The following NPAS3 variants were observed in gnomAD, a reference collection of about 807,000 sequenced individuals.
NPAS3 encodes the protein neuronal PAS domain protein 3.
Under a neutral mutation model 73.1 loss-of-function variants are expected in NPAS3, and 14 were observed. That is an observed-to-expected ratio of 0.19 (90% CI 0.13 to 0.30). NPAS3 has a LOEUF of 0.30. NPAS3 is among the 10% of genes least tolerant of loss of function. The pLI is 1.00. For missense variants in NPAS3, 1,096 were observed against 1,250.0 expected, an observed-to-expected ratio of 0.88 and a Z score of 1.86; for synonymous variants, 620 against 541.5, an observed-to-expected ratio of 1.14 and a Z score of -2.01.
chr14:33,707,121 C>A (rs2060677535), intron 6 of NPAS3, among the ~76,000 whole-genome samples: 1 of 152,196 alleles, frequency 6.6e-6, no homozygotes. Flanking sequence ...GTACTCACAT[C>A]AGTCTCCTAC....
intron 3 of NPAS3, among the ~76,000 whole-genome samples, chr14:33,271,616 TAG>T (rs1463847046): frequency 1.3e-5 from 2 of 152,130 alleles, no homozygotes; most frequent in Non-Finnish European, 2.9e-5. Context: ...GCTAATAATG[TAG>T]AGATTTGGAG....
At chr14:33,375,270 G>A (rs2046264598) in intron 4 of NPAS3, among the ~76,000 whole-genome samples, 1 of 152,170 alleles carries the variant, frequency 6.6e-6, no homozygotes. Context: ...GAAAGTTAGT[G>A]AATATATTTG....
intron 5 of NPAS3, among the ~76,000 whole-genome samples, chr14:33,593,021 T>C (rs905866300): frequency 3.9e-5 from 6 of 152,128 alleles, no homozygotes; most frequent in Non-Finnish European, 8.8e-5. Flanking sequence ...GTAAAGCTTG[T>C]GTGACTTCCT....
At chr14:33,510,927 G>A (rs985136549) in intron 4 of NPAS3, among the ~76,000 whole-genome samples, 7 of 152,022 alleles carry the variant, frequency 4.6e-5, no homozygotes, top group African/African-American at 1.4e-4. Context: ...TGGTCACTTA[G>A]GCATAGGTAG....
chr14:33,597,285 C>T (rs75980398), intron 5 of NPAS3, among the ~76,000 whole-genome samples: 2,788 of 152,258 alleles, frequency 0.018, 92 homozygotes, highest in African/African-American at 0.064. Context: ...CATATTCAGT[C>T]GTAACTGGGA....
chr14:33,216,599 G>T (rs2047232662), intron 3 of NPAS3, among the ~76,000 whole-genome samples: 2 of 152,154 alleles, frequency 1.3e-5, no homozygotes, highest in Non-Finnish European at 2.9e-5. Flanking sequence ...TCTGTAAAGG[G>T]CCATGTAGTA....
intron 4 of NPAS3, among the ~76,000 whole-genome samples, chr14:33,508,815 C>G (rs770174802): frequency 6.6e-6 from 1 of 152,008 alleles, no homozygotes; most frequent in East Asian, 1.9e-4. Flanking sequence ...ACATTCACAT[C>G]TAGATGGGGT....
chr14:32,947,052 C>T (rs180675462), intron 1 of NPAS3, among the ~76,000 whole-genome samples: 21 of 152,128 alleles, frequency 1.4e-4, no homozygotes, highest in African/African-American at 5.1e-4. Flanking sequence ...CATTTTAAGA[C>T]CACTTTATAA....
intron 1 of NPAS3, among the ~76,000 whole-genome samples, chr14:32,981,141 C>G (rs2037880552): frequency 6.6e-6 from 1 of 152,114 alleles, no homozygotes; most frequent in African/African-American, 2.4e-5. Flanking sequence ...CTCCTCATAC[C>G]ATGGAGGAGC....
intron 5 of NPAS3, among the ~76,000 whole-genome samples, chr14:33,617,755 A>T (rs986263890): frequency 3.9e-5 from 6 of 152,176 alleles, no homozygotes; most frequent in Admixed American, 3.9e-4. Flanking sequence ...CATCCTGCTA[A>T]GAGTGATTTT....
intron 5 of NPAS3, among the ~76,000 whole-genome samples, chr14:33,560,633 G>GA (rs1567005038): frequency 6.6e-6 from 1 of 152,024 alleles, no homozygotes; most frequent in Admixed American, 6.5e-5. Flanking sequence ...AAGAAATGCC[G>GA]AAAGAGACCA....
intron 4 of NPAS3, among the ~76,000 whole-genome samples, chr14:33,519,393 A>C (rs774568932): frequency 6.6e-6 from 1 of 151,852 alleles, no homozygotes; most frequent in Non-Finnish European, 1.5e-5. Flanking sequence ...CTCTCATTAC[A>C]CTCAAACATT....
chr14:33,683,427 C>CAAAAAAA (rs1176606241), intron 6 of NPAS3, among the ~76,000 whole-genome samples: 1,508 of 77,392 alleles, frequency 0.019, 54 homozygotes, highest in Non-Finnish European at 0.026. Flanking sequence ...TTCCTCATTT[C>CAAAAAAA]AAAAAAAAAA....
intron 3 of NPAS3, among the ~76,000 whole-genome samples, chr14:33,286,367 C>G (rs185957865): frequency 1.3e-4 from 20 of 152,170 alleles, no homozygotes; most frequent in Admixed American, 7.8e-4. Context: ...TTATTCATTC[C>G]TTTATTCATT....
At chr14:33,518,303 A>G (rs2053397625) in intron 4 of NPAS3, among the ~76,000 whole-genome samples, 1 of 152,020 alleles carries the variant, frequency 6.6e-6, no homozygotes, top group African/African-American at 2.4e-5. Flanking sequence ...TGGGGGTGGG[A>G]GAGATAGGAG....
chr14:33,007,022 T>A (rs1429376270), intron 1 of NPAS3, among the ~76,000 whole-genome samples: 1 of 152,236 alleles, frequency 6.6e-6, no homozygotes, highest in Non-Finnish European at 1.5e-5. Context: ...ATTATGACTT[T>A]TTTTGTTATC....
intron 1 of NPAS3, among the ~76,000 whole-genome samples, chr14:32,967,737 T>G (rs903914944): frequency 6.8e-6 from 1 of 147,832 alleles, no homozygotes; most frequent in Non-Finnish European, 1.5e-5. Context: ...ACACTGTTGG[T>G]GGGAACAGTA....
rs568984714 is a variant in NPAS3 at position 32,940,921 on chromosome 14, A to G, written c.50+1555A>G. Among the ~76,000 whole-genome samples the G allele has an allele frequency of 2.8e-4, 42 of 152,326 alleles. No individual in the cohort carries two copies. The South Asian group carries it at 3.1e-3, about 11-fold the overall frequency. On this transcript the variant is annotated intron_variant, in intron 1 of 11. Transcript: ENST00000356141. Reference sequence around the variant, plus strand: ...ATTCTGTAAACATCATATATCAGAGAGTAAATCATACATAATCCAGTTTTT... The same window carrying G: ...ATTCTGTAAACATCATATATCAGAGGGTAAATCATACATAATCCAGTTTTT...
chr14:33,354,403 G>A (rs17100786), intron 3 of NPAS3, among the ~76,000 whole-genome samples: 1 of 152,014 alleles, frequency 6.6e-6, no homozygotes, highest in African/African-American at 2.4e-5. Flanking sequence ...CATGGCTGCC[G>A]CTTTATCCAC....
Sources: allele counts gnomAD v4.1 joint callset (sites outside exome capture counted in the v4.1 genomes callset), GRCh38; gene constraint gnomAD v4.1.1; transcripts MANE v1.5; gene names NCBI Gene and HGNC (gene_info 2026-07-23, HGNC 2026-07-21).